The following MYRIP variants were observed in gnomAD, a reference collection of about 807,000 sequenced individuals.
MYRIP encodes the protein rab effector MyRIP.
MYRIP carries 49 observed loss-of-function variants against 98.0 expected under a neutral mutation model. The ratio of observed to expected loss-of-function variants is 0.50; its 90% CI spans 0.40 to 0.63. The LOEUF is 0.63. Ranked by LOEUF, MYRIP falls within the 30% of genes least tolerant of loss-of-function variation. The pLI is 0.00. For synonymous variants in MYRIP, 404 were observed against 409.5 expected (o/e 0.99, Z 0.16); for missense variants, 1,004 against 1,058.2 (o/e 0.95, Z 0.71).
intron 2 of MYRIP, among the ~76,000 whole-genome samples, chr3:40,000,451 A>C (rs1461440823): frequency 6.6e-6 from 1 of 152,154 alleles, no homozygotes; most frequent in African/African-American, 2.4e-5. Flanking sequence ...TTTGTGTCTT[A>C]AGTTCTAAAG....
intron 2 of MYRIP, among the ~76,000 whole-genome samples, chr3:40,022,140 T>G (rs1374979105): frequency 6.6e-6 from 1 of 152,216 alleles, no homozygotes; most frequent in African/African-American, 2.4e-5. Context: ...TCTTGCCCAT[T>G]GGTTGAACTT....
chr3:40,194,525 A>G (rs1008435253), intron 10 of MYRIP, among the ~76,000 whole-genome samples: 1 of 152,060 alleles, frequency 6.6e-6, no homozygotes, highest in Non-Finnish European at 1.5e-5. Flanking sequence ...TTAGAAAATG[A>G]TGATATCATT....
chr3:40,071,102 G>A, intron 3 of MYRIP: 1 of 980,322 alleles, frequency 1.0e-6, no homozygotes, highest in Non-Finnish European at 1.2e-6. Context: ...AGAAAGCACA[G>A]GAAGAAGAGA....
At chr3:40,206,380 C>G (rs1471285092) in intron 10 of MYRIP, among the ~76,000 whole-genome samples, 2 of 152,084 alleles carry the variant, frequency 1.3e-5, no homozygotes, top group Non-Finnish European at 2.9e-5. Flanking sequence ...TCCAGTTATG[C>G]TCATGGTATC....
intron 2 of MYRIP, among the ~76,000 whole-genome samples, chr3:39,984,787 C>A (rs1234623174): frequency 1.3e-5 from 2 of 151,894 alleles, no homozygotes; most frequent in African/African-American, 4.8e-5. Context: ...TTCTAGATCC[C>A]TGAGGAATCG....
intron 1 of MYRIP, among the ~76,000 whole-genome samples, chr3:39,821,883 A>G (rs1021371385): frequency 5.3e-5 from 8 of 152,144 alleles, no homozygotes; most frequent in African/African-American, 1.9e-4. Context: ...TAACTTCTTG[A>G]AAAGAAAGTT....
chr3:40,113,910 C>G (rs878985831), intron 3 of MYRIP, among the ~76,000 whole-genome samples: 3 of 151,566 alleles, frequency 2.0e-5, no homozygotes, highest in Admixed American at 2.0e-4. Flanking sequence ...AGGATGGTCT[C>G]GATCTCCTGA....
chr3:39,995,726 C>T (rs1240232155), intron 2 of MYRIP, among the ~76,000 whole-genome samples: 1 of 152,074 alleles, frequency 6.6e-6, no homozygotes, highest in East Asian at 1.9e-4. Context: ...CTCCAAGACA[C>T]ATAATTGTCA....
chr3:40,121,927 G>T (rs997437355), intron 3 of MYRIP, among the ~76,000 whole-genome samples: 2 of 151,760 alleles, frequency 1.3e-5, no homozygotes. Context: ...TATTTTTAAG[G>T]GTTAATTTTT....
At chr3:40,177,112 G>T (rs1173999248) in intron 8 of MYRIP, among the ~76,000 whole-genome samples, 1 of 151,702 alleles carries the variant, frequency 6.6e-6, no homozygotes, top group Admixed American at 6.6e-5. Flanking sequence ...CATGGACGCT[G>T]GCCAGAACCT....
chr3:40,043,130 GT>G (rs1487785969), intron 2 of MYRIP, among the ~76,000 whole-genome samples: 3 of 152,132 alleles, frequency 2.0e-5, no homozygotes, highest in Non-Finnish European at 2.9e-5. Flanking sequence ...GGGGGACTGT[GT>G]TTTTCTATTA....
chr3:40,244,541 C>G lies in MYRIP; in HGVS notation c.2196C>G (p.Thr732=). 1 of 1,614,058 alleles carries G rather than the reference C, an allele frequency of 6.2e-7. No individual in the cohort carries two copies. Among genetic ancestry groups the G allele is most frequent in the Non-Finnish European group, 8.5e-7 (1 of 1,179,960 alleles). The change falls in exon 13 of 17, where the codon ACC becomes ACG. Residue 732 remains threonine (T), a synonymous_variant. Transcript: ENST00000302541. ...GCATCCACAGTGGCACTGATGAGAC[C>G]CATCTGGCGGATCTGGAGGACCAGG... ...ARCIHSGTDE[T]HLADLEDQVA...
chr3:40,184,159 T>C (rs1364347951), intron 9 of MYRIP, among the ~76,000 whole-genome samples: 2 of 152,230 alleles, frequency 1.3e-5, no homozygotes, highest in African/African-American at 4.8e-5. Flanking sequence ...AGTCTATTCA[T>C]ATTCATTCAT....
At chr3:40,050,746 T>C (rs914664169) in intron 3 of MYRIP, among the ~76,000 whole-genome samples, 3 of 152,162 alleles carry the variant, frequency 2.0e-5, no homozygotes, top group Non-Finnish European at 4.4e-5. Context: ...CTAGATGTCA[T>C]AAAGAGCATT....
At chr3:40,029,917 T>C (rs1194347306) in intron 2 of MYRIP, among the ~76,000 whole-genome samples, 2 of 151,846 alleles carry the variant, frequency 1.3e-5, no homozygotes, top group African/African-American at 4.8e-5. Context: ...TTTAAAAAAT[T>C]AGCCAGGTGT....
chr3:39,869,189 T>C (rs1009085060), intron 1 of MYRIP, among the ~76,000 whole-genome samples: 1 of 152,222 alleles, frequency 6.6e-6, no homozygotes, highest in Admixed American at 6.5e-5. Context: ...GAGTCTTCCA[T>C]TAGAAATATT....
intron 2 of MYRIP, among the ~76,000 whole-genome samples, chr3:40,008,414 A>G (rs1157047779): frequency 1.3e-5 from 2 of 152,206 alleles, no homozygotes; most frequent in Non-Finnish European, 2.9e-5. Flanking sequence ...AACTAATGCT[A>G]TCCATTTTTT....
intron 1 of MYRIP, among the ~76,000 whole-genome samples, chr3:39,895,522 T>C (rs1559513413): frequency 1.7e-5 from 2 of 116,072 alleles, no homozygotes; most frequent in Admixed American, 8.2e-5. Context: ...TCCATATATA[T>C]ATTTTTTTTT....
At chr3:39,913,076 C>T (rs948666225) in intron 2 of MYRIP, among the ~76,000 whole-genome samples, 2 of 152,110 alleles carry the variant, frequency 1.3e-5, no homozygotes, top group Non-Finnish European at 2.9e-5. Context: ...TTATATAATA[C>T]ATTCTTCAAT....
Sources: gnomAD v4.1 joint callset for allele counts (sites outside exome capture counted in the v4.1 genomes callset) on GRCh38, gnomAD v4.1.1 for gene constraint, MANE v1.5 for transcripts, NCBI Gene and HGNC (gene_info 2026-07-23, HGNC 2026-07-21) for gene names.